Variants in PRKCH observed in about 807,000 individuals in gnomAD.
PRKCH encodes protein kinase C eta type.
A neutral mutation model predicts 82.5 loss-of-function variants in PRKCH; 28 were observed. That is an observed-to-expected ratio of 0.34 (90% CI 0.25 to 0.47). PRKCH has a LOEUF of 0.47. PRKCH is among the 20% of genes least tolerant of loss of function. PRKCH has a pLI of 1.00. For missense variants in PRKCH, 705 were observed against 881.8 expected, an observed-to-expected ratio of 0.80 and a Z score of 2.54; for synonymous variants, 322 against 327.4, an observed-to-expected ratio of 0.98 and a Z score of 0.18.
intron 1 of PRKCH, among the ~76,000 whole-genome samples, chr14:61,245,084 C>T (rs1013801553): frequency 5.3e-5 from 8 of 152,122 alleles, no homozygotes; most frequent in African/African-American, 1.9e-4. Context: ...TTCTTGTTTC[C>T]CTCCATGTGA....
At chr14:61,329,263 A>G (rs1346086472) in intron 1 of PRKCH, among the ~76,000 whole-genome samples, 3 of 18,356 alleles carry the variant, frequency 1.6e-4, no homozygotes, top group East Asian at 1.2e-3. Flanking sequence ...TTGAGACAGA[A>G]TCTCTCTCTG....
chr14:61,350,038 G>A (rs1391316171), intron 1 of PRKCH, among the ~76,000 whole-genome samples: 1 of 152,174 alleles, frequency 6.6e-6, no homozygotes, highest in Non-Finnish European at 1.5e-5. Flanking sequence ...AATATGACAA[G>A]AGTATGTTTT....
chr14:61,437,937 A>C (rs1001550780), intron 2 of PRKCH, among the ~76,000 whole-genome samples: 3 of 152,112 alleles, frequency 2.0e-5, no homozygotes, highest in African/African-American at 7.2e-5. Context: ...CTCTTAAAAA[A>C]AAAAATCCTT....
chr14:61,353,395 C>T (rs181319599), intron 1 of PRKCH: 10 of 152,230 alleles, frequency 6.6e-5, no homozygotes, highest in Non-Finnish European at 1.2e-4. Flanking sequence ...CTGTTTGAGA[C>T]TTATTTATAT....
chr14:61,428,112 C>CATATATATAT lies in PRKCH; in HGVS notation c.428-14988_428-14979dup, dbSNP rs112740584. Among the ~76,000 whole-genome samples the CATATATATAT allele has an allele frequency of 2.7e-3, 387 of 145,568 alleles. 3 individuals carry two copies. Among genetic ancestry groups the CATATATATAT allele is most frequent in the African/African-American group, 9.9e-3 (370 of 37,544 alleles). On this transcript the variant is annotated intron_variant, in intron 2 of 13. Coordinates refer to ENST00000332981, the MANE Select transcript of PRKCH (RefSeq NM_006255.5). ...ACACACACACATATATATATACACA[C>CATATATATAT]ATATATATATATATATATATGTATC...
Position 61,349,510 on chromosome 14 carries a change from A to G in PRKCH, c.363+27046A>G, listed in dbSNP as rs550194159. Among the ~76,000 whole-genome samples, 3 of 152,298 alleles carry G rather than the reference A, an allele frequency of 2.0e-5. No individual in the cohort carries two copies. In the South Asian group the frequency reaches 6.2e-4, roughly 32 times the overall value. On this transcript the variant is annotated intron_variant, in intron 1 of 13. Coordinates refer to ENST00000332981, the MANE Select transcript of PRKCH (RefSeq NM_006255.5). ...TGCTAGGGGTACAGCTGCTGTCTGCAGGGCATGCCAGATGACACCTTTTTG... is the reference window on the plus strand; with the variant it reads ...TGCTAGGGGTACAGCTGCTGTCTGCGGGGCATGCCAGATGACACCTTTTTG...
chr14:61,311,963 G>C (rs1050930662), intron 1 of PRKCH, among the ~76,000 whole-genome samples: 1 of 152,172 alleles, frequency 6.6e-6, no homozygotes, highest in Admixed American at 6.5e-5. Context: ...TCACTATCAT[G>C]AGAACAATGT....
At chr14:61,360,099 C>T (rs552018645) in intron 1 of PRKCH, among the ~76,000 whole-genome samples, 2 of 152,340 alleles carry the variant, frequency 1.3e-5, no homozygotes, top group Admixed American at 6.5e-5. Context: ...AGCATTCAAA[C>T]ACCAAATGTT....
chr14:61,287,802 G>A (rs1415498362), intron 1 of PRKCH, among the ~76,000 whole-genome samples: 1 of 151,930 alleles, frequency 6.6e-6, no homozygotes, highest in African/African-American at 2.4e-5. Context: ...GAGGGAGGGG[G>A]ACACCATGAC....
chr14:61,317,921 C>T (rs972348698), upstream of PRKCH, among the ~76,000 whole-genome samples: 3 of 151,998 alleles, frequency 2.0e-5, no homozygotes, highest in Non-Finnish European at 2.9e-5. Context: ...AAGAGACTGC[C>T]CCTCCGAGTG....
chr14:61,381,161 C>T (rs2046504304), intron 1 of PRKCH, among the ~76,000 whole-genome samples: 1 of 152,122 alleles, frequency 6.6e-6, no homozygotes, highest in South Asian at 2.1e-4. Flanking sequence ...TTTTGAGATG[C>T]CGAAGCCAGG....
chr14:61,210,790 C>CTCTCTCTGTGTG (rs1351869252), intron 1 of PRKCH, among the ~76,000 whole-genome samples: 1 of 138,986 alleles, frequency 7.2e-6, no homozygotes, highest in Non-Finnish European at 1.5e-5. Context: ...CTCTCTCTCT[C>CTCTCTCTGTGTG]TGTGTGTGTG....
chr14:61,452,146 C>G (rs1252475091), intron 6 of PRKCH, among the ~76,000 whole-genome samples: 1 of 152,124 alleles, frequency 6.6e-6, no homozygotes, highest in African/African-American at 2.4e-5. Flanking sequence ...CAATCCGGCT[C>G]TTGTGATTTT....
At chr14:61,439,145 C>T (rs977008526) in intron 2 of PRKCH, among the ~76,000 whole-genome samples, 2 of 152,304 alleles carry the variant, frequency 1.3e-5, no homozygotes, top group Admixed American at 1.3e-4. Context: ...TTTCTCAAAG[C>T]CCTGGTTGAT....
Position 61,507,920 on chromosome 14 carries a change from T to A in PRKCH, c.1434-21155T>A, listed in dbSNP as rs879881423. 7.9e-5 allele frequency among the ~76,000 whole-genome samples: 12 copies of A among 152,064 alleles called. 1 individual carries two copies. The highest frequency in any genetic ancestry group is 6.6e-5 in the Admixed American group (1 of 15,258). On this transcript the variant is annotated intron_variant, in intron 10 of 13. Transcript: ENST00000332981. ...TAAAATTTTGCTAAGAGAGTACATCTTAAGTGCTCTTATCACCAAGAAAAA... is the reference window on the plus strand; with the variant it reads ...TAAAATTTTGCTAAGAGAGTACATCATAAGTGCTCTTATCACCAAGAAAAA...
chr14:61,264,671 C>G (rs574738631), intron 1 of PRKCH, among the ~76,000 whole-genome samples: 1 of 152,114 alleles, frequency 6.6e-6, no homozygotes, highest in East Asian at 1.9e-4. Flanking sequence ...TACAGGTCAC[C>G]CTGAATGAGC....
intron 1 of PRKCH, among the ~76,000 whole-genome samples, chr14:61,290,678 A>G (rs537605591): frequency 2.5e-4 from 38 of 152,344 alleles, no homozygotes; most frequent in African/African-American, 8.7e-4. Flanking sequence ...AAACTGACCT[A>G]AAAGAAATGG....
intron 1 of PRKCH, among the ~76,000 whole-genome samples, chr14:61,226,828 C>A (rs1322211279): frequency 6.6e-6 from 1 of 152,122 alleles, no homozygotes; most frequent in Non-Finnish European, 1.5e-5. Context: ...ATAGAATAGG[C>A]TCCCCCACCC....
In PRKCH at chr14:61,388,147, CAAAAAAAAAA is replaced by C. The variant is rs569642184; in HGVS notation, c.364-3066_364-3057del. Among the ~76,000 whole-genome samples, 7 of 87,926 alleles carry C rather than the reference CAAAAAAAAAA, an allele frequency of 8.0e-5. No individual in the cohort carries two copies. The East Asian group carries it at 1.8e-3, about 22-fold the overall frequency. The allele number at this position is 87,926 out of a possible 152,430, so 57.7% of individuals were successfully genotyped here. ...TGGGTGACAGAGCGAGACTCTGTCT[CAAAAAAAAAA>C]AAAAAAAAAAAGAAAGAAATCCCCA... On this transcript the variant is annotated intron_variant, in intron 1 of 13. Transcript: ENST00000332981.
Sources: gnomAD v4.1 joint callset for allele counts (sites outside exome capture counted in the v4.1 genomes callset) on GRCh38, gnomAD v4.1.1 for gene constraint, MANE v1.5 for transcripts, NCBI Gene and HGNC (gene_info 2026-07-23, HGNC 2026-07-21) for gene names.